MMP26: variants seen among roughly 807,000 people sequenced by gnomAD.
MMP26 encodes the protein matrix metalloproteinase-26.
MMP26 carries 33 observed loss-of-function variants against 31.0 expected under a neutral mutation model. The ratio of observed to expected loss-of-function variants is 1.06; its 90% CI spans 0.81 to 1.42. MMP26 has a LOEUF of 1.42. Ranked by LOEUF, MMP26 falls within the 40% of genes most tolerant of loss-of-function variation. The pLI is 0.00. For synonymous variants in MMP26, 122 were observed against 114.9 expected (o/e 1.06, Z -0.40); for missense variants, 347 against 316.1 (o/e 1.10, Z -0.74).
At chr11:4,814,987 G>A (rs763785246) in intron 2 of MMP26, among the ~76,000 whole-genome samples, 8 of 152,144 alleles carry the variant, frequency 5.3e-5, no homozygotes, top group Non-Finnish European at 1.2e-4. Context: ...TACATTTTAG[G>A]AAGGCATGAG....
intron 2 of MMP26, among the ~76,000 whole-genome samples, chr11:4,837,757 C>T (rs1218781971): frequency 6.6e-6 from 1 of 151,710 alleles, no homozygotes; most frequent in African/African-American, 2.4e-5. Context: ...GTGGATTTGG[C>T]CAGTGTGCAG....
At chr11:4,748,897 C>T (rs1848414061) in intron 1 of MMP26, among the ~76,000 whole-genome samples, 1 of 151,976 alleles carries the variant, frequency 6.6e-6, no homozygotes, top group Admixed American at 6.6e-5. Flanking sequence ...GCAAGGATGC[C>T]TACTTTCACC....
intron 1 of MMP26, chr11:4,756,794 A>G (rs1251336926): frequency 3.3e-5 from 5 of 150,390 alleles, no homozygotes; most frequent in Admixed American, 6.6e-5. Flanking sequence ...TCCTCGCTGC[A>G]AGTATAATGT....
chr11:4,738,539 A>G (rs1041204886), intron 1 of MMP26, among the ~76,000 whole-genome samples: 1 of 152,236 alleles, frequency 6.6e-6, no homozygotes, highest in African/African-American at 2.4e-5. Context: ...TCCAGATTTT[A>G]TGAGCAGTTC....
intron 2 of MMP26, chr11:4,848,113 A>G (rs937234144): frequency 4.0e-5 from 40 of 1,011,324 alleles, no homozygotes; most frequent in Non-Finnish European, 5.5e-5. Context: ...AGGGACAGGA[A>G]GCTACATGCA....
chr11:4,983,659 C>T (rs1231287710), intron 2 of MMP26, among the ~76,000 whole-genome samples: 2 of 152,080 alleles, frequency 1.3e-5, no homozygotes, highest in Middle Eastern at 3.2e-3. Context: ...GAGATAGGGG[C>T]CTGTTTCCAT....
intron 1 of MMP26, among the ~76,000 whole-genome samples, chr11:4,716,502 G>A (rs1432055719): frequency 6.6e-6 from 1 of 152,026 alleles, no homozygotes; most frequent in Admixed American, 6.5e-5. Context: ...CAGCAGGGAT[G>A]CAGGCTAAGA....
intron 2 of MMP26, among the ~76,000 whole-genome samples, chr11:4,899,551 A>C (rs1480114585): frequency 6.6e-6 from 1 of 152,174 alleles, no homozygotes; most frequent in Non-Finnish European, 1.5e-5. Flanking sequence ...TTTCAGGCTA[A>C]GGCTATTTCA....
intron 1 of MMP26, among the ~76,000 whole-genome samples, chr11:4,764,977 A>C (rs1028710161): frequency 6.6e-6 from 1 of 152,186 alleles, no homozygotes; most frequent in Non-Finnish European, 1.5e-5. Context: ...AGGGAGACAC[A>C]TGAGGACATT....
Position 4,991,242 on chromosome 11 carries a change from T to C in MMP26, c.470-129T>C, listed in dbSNP as rs570665832. 124 of 1,169,930 alleles carry C rather than the reference T, an allele frequency of 1.1e-4. No individual in the cohort carries two copies. In the African/African-American group the frequency reaches 1.8e-3, roughly 17 times the overall value. 72.5% of individuals were successfully genotyped at this position (1,169,930 alleles called of 1,614,324 possible). On this transcript the variant is annotated intron_variant, in intron 5 of 7. Transcript: ENST00000380390. ...TTATTTCTCTGCATAGATAATGCCT[T>C]AGCTCTCTCACATCCCCCAGTGGTA...
At chr11:4,874,565 G>GGT (rs35692032) in intron 2 of MMP26, among the ~76,000 whole-genome samples, 11,214 of 149,072 alleles carry the variant, frequency 0.075, 566 homozygotes, top group Non-Finnish European at 0.11. Context: ...GTGGTGTGTT[G>GGT]GTGTGTGTGT....
At chr11:4,751,335 G>C (rs1266234637) in intron 1 of MMP26, among the ~76,000 whole-genome samples, 1 of 152,070 alleles carries the variant, frequency 6.6e-6, no homozygotes, top group African/African-American at 2.4e-5. Context: ...CACATATAAA[G>C]GCAAAACTGA....
chr11:4,865,594 TC>T (rs1310877838), intron 2 of MMP26, among the ~76,000 whole-genome samples: 1 of 152,096 alleles, frequency 6.6e-6, no homozygotes, highest in Admixed American at 6.6e-5. Context: ...TTCCTCCTCC[TC>T]CTCCTCCTCC....
At position 4,888,126 on chromosome 11, in the gene MMP26, T is replaced by C. The variant is rs545984016; in HGVS notation, c.-144-99942T>C. Among the ~76,000 whole-genome samples the C allele has an allele frequency of 8.5e-5, 13 of 152,304 alleles. No individual in the cohort carries two copies. The South Asian group carries it at 2.5e-3, about 29-fold the overall frequency. ...AACAGTAATTACTTGTGAGCTCAAC[T>C]TAGGCAGTAAAACATTGAAATATGT... On this transcript the variant is annotated intron_variant, in intron 2 of 7. Transcript: ENST00000380390.
intron 2 of MMP26, among the ~76,000 whole-genome samples, chr11:4,784,760 G>A (rs1261936551): frequency 6.6e-6 from 1 of 152,102 alleles, no homozygotes; most frequent in Non-Finnish European, 1.5e-5. Context: ...AATTTGTCAT[G>A]GAAATTCTGG....
intron 2 of MMP26, among the ~76,000 whole-genome samples, chr11:4,818,160 T>G (rs1346004233): frequency 1.3e-5 from 2 of 152,186 alleles, no homozygotes; most frequent in African/African-American, 4.8e-5. Flanking sequence ...AACAAATATT[T>G]CTTCTGGGCT....
chr11:4,985,579 C>G (rs971708360), intron 2 of MMP26, among the ~76,000 whole-genome samples: 6 of 152,128 alleles, frequency 3.9e-5, no homozygotes, highest in African/African-American at 1.4e-4. Context: ...ATTACAATAT[C>G]ATCCACAAAA....
At chr11:4,835,309 C>G (rs962389043) in intron 2 of MMP26, among the ~76,000 whole-genome samples, 1 of 151,874 alleles carries the variant, frequency 6.6e-6, no homozygotes, top group Admixed American at 6.6e-5. Context: ...AGAGATCTGG[C>G]TTTTGCAAGG....
At chr11:4,816,613 A>AAT (rs199991668) in intron 2 of MMP26, among the ~76,000 whole-genome samples, 14,824 of 151,640 alleles carry the variant, frequency 0.098, 882 homozygotes, top group Middle Eastern at 0.17. Context: ...TATGGTCCAA[A>AAT]ACAAAAAAAA....
Sources: allele counts gnomAD v4.1 joint callset (sites outside exome capture counted in the v4.1 genomes callset), GRCh38; gene constraint gnomAD v4.1.1; transcripts MANE v1.5; gene names NCBI Gene and HGNC (gene_info 2026-07-23, HGNC 2026-07-21).